The following NAALAD2 variants were observed in gnomAD, a reference collection of about 807,000 sequenced individuals.
NAALAD2 encodes N-acetylated alpha-linked acidic dipeptidase 2, also known as N-acetylated-alpha-linked acidic dipeptidase 2.
Under a neutral mutation model 95.6 loss-of-function variants are expected in NAALAD2, and 89 were observed. That is an observed-to-expected ratio of 0.93 (90% CI 0.78 to 1.11). NAALAD2 has a LOEUF of 1.11. Among genes scored for constraint, NAALAD2 ranks in the 50% least tolerant of loss-of-function variants. NAALAD2 has a pLI of 0.00. For synonymous variants in NAALAD2, 264 were observed against 294.4 expected, an observed-to-expected ratio of 0.90 and a Z score of 1.06; for missense variants, 894 against 872.4, an observed-to-expected ratio of 1.02 and a Z score of -0.31.
At chr11:90,172,469 G>A (rs1952672359) in intron 13 of NAALAD2, among the ~76,000 whole-genome samples, 1 of 152,124 alleles carries the variant, frequency 6.6e-6, no homozygotes, top group African/African-American at 2.4e-5. Flanking sequence ...CTCTAAATAA[G>A]TGGGGTGAGA....
At chr11:90,147,887 T>C (rs953183047) in intron 3 of NAALAD2, among the ~76,000 whole-genome samples, 1 of 152,122 alleles carries the variant, frequency 6.6e-6, no homozygotes, top group Non-Finnish European at 1.5e-5. Context: ...TGTGACAAAA[T>C]AAGCTAAGAA....
chr11:90,165,749 C>T (rs1217968781), intron 11 of NAALAD2, among the ~76,000 whole-genome samples: 1 of 151,982 alleles, frequency 6.6e-6, no homozygotes, highest in Admixed American at 6.6e-5. Flanking sequence ...TCCCCTTGCC[C>T]CTGTGGTGGG....
At chr11:90,153,960 A>G (rs1951954617) in intron 6 of NAALAD2, among the ~76,000 whole-genome samples, 1 of 151,990 alleles carries the variant, frequency 6.6e-6, no homozygotes, top group Admixed American at 6.6e-5. Flanking sequence ...GCATTTTTAC[A>G]TACATGATTA....
intron 6 of NAALAD2, among the ~76,000 whole-genome samples, chr11:90,155,598 TA>T (rs1341483056): frequency 5.9e-5 from 6 of 100,980 alleles, no homozygotes; most frequent in African/African-American, 7.9e-5. Flanking sequence ...ATATATGTAA[TA>T]ATATATATTA....
At chr11:90,152,804 G>A (rs1394925393) in intron 6 of NAALAD2, among the ~76,000 whole-genome samples, 1 of 151,856 alleles carries the variant, frequency 6.6e-6, no homozygotes, top group Non-Finnish European at 1.5e-5. Flanking sequence ...CTGAATTACC[G>A]ATAGATTGTA....
At chr11:90,171,203 A>G (rs1382725876) in intron 13 of NAALAD2, among the ~76,000 whole-genome samples, 1 of 152,204 alleles carries the variant, frequency 6.6e-6, no homozygotes, top group African/African-American at 2.4e-5. Flanking sequence ...TTCCTTGCCA[A>G]AGAATTTACC....
intron 4 of NAALAD2, among the ~76,000 whole-genome samples, chr11:90,150,228 C>G (rs893106767): frequency 8.5e-6 from 1 of 117,258 alleles, no homozygotes; most frequent in Non-Finnish European, 1.7e-5. Flanking sequence ...GCACTCCAGC[C>G]TGGGTGACAG....
At chr11:90,169,120 C>T (rs1167218346) in intron 12 of NAALAD2, 128 bp downstream of exon 12, 3 of 576,890 alleles carry the variant, frequency 5.2e-6, no homozygotes, top group African/African-American at 3.9e-5. Context: ...CTCAGATATC[C>T]CCTTCCTTTG....
intron 13 of NAALAD2, among the ~76,000 whole-genome samples, chr11:90,171,793 G>T (rs1323075155): frequency 1.3e-5 from 2 of 152,124 alleles, no homozygotes; most frequent in Non-Finnish European, 2.9e-5. Context: ...AGCTTGGAGA[G>T]AAGGGCAGCT....
In NAALAD2 at chr11:90,192,520, T is replaced by G. The variant is rs984540412; in HGVS notation, c.*773T>G. The G allele has an allele frequency of 4.6e-5, 7 of 152,028 alleles. No homozygotes were observed. The highest frequency in any genetic ancestry group is 1.0e-4 in the Non-Finnish European group (7 of 67,910). 9.4% of individuals were successfully genotyped at this position (152,028 alleles called of 1,614,324 possible). On this transcript the variant is annotated 3_prime_UTR_variant, in exon 19 of 19. Coordinates refer to ENST00000534061, the MANE Select transcript of NAALAD2 (RefSeq NM_005467.4). ...CTCCAATAGATGAGAATTTTCCGTA[T>G]CTTGATCTGAGTGGCAAATTGTAAA...
At chr11:90,190,520 AT>A (rs929796270) in intron 18 of NAALAD2, among the ~76,000 whole-genome samples, 1 of 152,008 alleles carries the variant, frequency 6.6e-6, no homozygotes, top group African/African-American at 2.4e-5. Flanking sequence ...CCTATATCAA[AT>A]TTTTTTTGCT....
At chr11:90,141,251 A>G (rs1951605741) in intron 2 of NAALAD2, among the ~76,000 whole-genome samples, 1 of 152,172 alleles carries the variant, frequency 6.6e-6, no homozygotes, top group Admixed American at 6.6e-5. Context: ...ATAAACACAT[A>G]TTTGTCTAAA....
intron 18 of NAALAD2, among the ~76,000 whole-genome samples, chr11:90,190,792 A>G (rs1003451194): frequency 5.3e-5 from 8 of 152,164 alleles, no homozygotes; most frequent in African/African-American, 1.2e-4. Context: ...AATCATTAAT[A>G]CTGACTTATA....
At chr11:90,181,513 T>C (rs567050126) in intron 16 of NAALAD2, 107 bp from the exon 17 acceptor site, 1 of 705,042 alleles carries the variant, frequency 1.4e-6, no homozygotes, top group South Asian at 1.7e-5. Context: ...AGTAGAAAAA[T>C]GGCTTCGACA....
chr11:90,163,428 AGGTAAACAACC>A lies in NAALAD2; in HGVS notation c.1195_1195+10del, dbSNP rs765934495. 1.9e-6 allele frequency: 3 copies of A among 1,613,978 alleles called. No individual in the cohort carries two copies. In the South Asian group the frequency reaches 3.3e-5, roughly 18 times the overall value. On this transcript the variant is annotated splice_donor_variant and splice_donor_5th_base_variant and coding_sequence_variant and intron_variant, in exon 10 of 19. Transcript: ENST00000534061. LOFTEE classifies it high-confidence loss of function. Reference sequence around the variant, plus strand: ...GGAGTTTTGGAAAACTGATGAGTAAAGGTAAACAACCTTTCTTTCCTAGGTGATGACAAAAA... The same window carrying A: ...GGAGTTTTGGAAAACTGATGAGTAAATTTCTTTCCTAGGTGATGACAAAAA...
At chr11:90,178,366 A>C (rs1006273260) in intron 16 of NAALAD2, among the ~76,000 whole-genome samples, 5 of 152,190 alleles carry the variant, frequency 3.3e-5, no homozygotes, top group African/African-American at 1.2e-4. Context: ...TTCTTGTATT[A>C]TGGCCTTTAA....
At chr11:90,178,435 G>T (rs1447890363) in intron 16 of NAALAD2, among the ~76,000 whole-genome samples, 2 of 152,192 alleles carry the variant, frequency 1.3e-5, no homozygotes, top group Admixed American at 1.3e-4. Flanking sequence ...ACTTTGGGAG[G>T]CTGAGGCGGG....
rs79196198 is a variant in NAALAD2 at position 90,158,333 on chromosome 11, A to G, written c.890+95A>G. 4.6e-4 allele frequency: 382 copies of G among 838,470 alleles called. 1 individual carries two copies. The African/African-American group carries it at 5.5e-3, about 12-fold the overall frequency. 51.9% of individuals were successfully genotyped at this position (838,470 alleles called of 1,614,324 possible). A position where few individuals can be genotyped will look rare whatever the true frequency, so the allele number is the denominator to read the frequency against. Reference sequence around the variant, plus strand: ...AATATGGCATTCTTATGTTAAACACAAAGTTTTATAACTAAATAACTCCTG... The same window carrying G: ...AATATGGCATTCTTATGTTAAACACGAAGTTTTATAACTAAATAACTCCTG... On this transcript the variant is annotated intron_variant, in intron 7 of 18. Transcript: ENST00000534061.
chr11:90,137,187 G>C (rs1951471902), intron 2 of NAALAD2, among the ~76,000 whole-genome samples: 2 of 152,050 alleles, frequency 1.3e-5, no homozygotes, highest in Admixed American at 1.3e-4. Context: ...AGAATAGAAT[G>C]ATGGTTACCA....
Sources: allele counts gnomAD v4.1 joint callset (sites outside exome capture counted in the v4.1 genomes callset), GRCh38; gene constraint gnomAD v4.1.1; transcripts MANE v1.5; gene names NCBI Gene and HGNC (gene_info 2026-07-23, HGNC 2026-07-21).